DYRK1A: variants seen among roughly 807,000 people sequenced by gnomAD.
DYRK1A encodes the protein dual specificity tyrosine phosphorylation regulated kinase 1A, also known as dual specificity tyrosine-phosphorylation-regulated kinase 1A.
A neutral mutation model predicts 79.7 loss-of-function variants in DYRK1A; 9 were observed. That is an observed-to-expected ratio of 0.11 (90% CI 0.07 to 0.20). The LOEUF (loss-of-function observed/expected upper bound fraction) is 0.20, where lower values mean the gene tolerates loss of function less well. Among genes scored for constraint, DYRK1A ranks in the 10% least tolerant of loss-of-function variants. DYRK1A has a pLI of 1.00. For synonymous variants in DYRK1A, 349 were observed against 329.7 expected (o/e 1.06, Z -0.63); for missense variants, 622 against 956.0 (o/e 0.65, Z 4.61).
intron 8 of DYRK1A, among the ~76,000 whole-genome samples, chr21:37,494,236 A>G (rs2053189057): frequency 6.6e-6 from 1 of 151,362 alleles, no homozygotes; most frequent in African/African-American, 2.4e-5. Context: ...ACTCTTTTAT[A>G]GTAACTGTCA....
Position 37,515,097 on chromosome 21 carries a change from AC to A in DYRK1A, c.*2567del. 6.5e-6 allele frequency: 1 copy of A among 152,746 alleles called. No individual in the cohort carries two copies. The allele number at this position is 152,746 out of a possible 1,614,324, so 9.5% of individuals were successfully genotyped here. On this transcript the variant is annotated 3_prime_UTR_variant, in exon 12 of 12. Transcript: ENST00000647188. Reference sequence around the variant, plus strand: ...GTCCGGACTTGCTGTGTATATTGTAACGTTAAATGAAAAAAGAACCCCCCTT... The same window carrying A: ...GTCCGGACTTGCTGTGTATATTGTAAGTTAAATGAAAAAAGAACCCCCCTT...
chr21:37,420,427 A>T, intron 2 of DYRK1A, 43 bp downstream of exon 2: 1 of 1,603,706 alleles, frequency 6.2e-7, no homozygotes, highest in Non-Finnish European at 8.5e-7. Flanking sequence ...GGCTAAGAGA[A>T]TGTGGGAATC....
chr21:37,418,492 C>T (rs918727325), intron 1 of DYRK1A, among the ~76,000 whole-genome samples: 3 of 152,022 alleles, frequency 2.0e-5, no homozygotes, highest in East Asian at 3.9e-4. Flanking sequence ...CTACTTCTAT[C>T]GAAACTGGCG....
chr21:37,403,637 A>T (rs1431507851), intron 1 of DYRK1A, among the ~76,000 whole-genome samples: 1,415 of 46,744 alleles, frequency 0.03, 33 homozygotes, highest in African/African-American at 0.12. Context: ...AGCTAATTAA[A>T]AAAAAAAAAA....
Position 37,499,405 on chromosome 21 carries a change from T to C in DYRK1A, c.1212+3147T>C, listed in dbSNP as rs1356222283. On this transcript the variant is annotated intron_variant, in intron 9 of 11. Coordinates refer to ENST00000647188, the MANE Select transcript of DYRK1A (RefSeq NM_001347721.2). ...TACCCTGTTGATATGTTTTCTATTC[T>C]AGGTCCTTTCTTTTCACATATGGAT... Among the ~76,000 whole-genome samples, 4 of 152,210 alleles carry C rather than the reference T, an allele frequency of 2.6e-5. No individual in the cohort carries two copies. In the East Asian group the frequency reaches 5.8e-4, roughly 22 times the overall value.
chr21:37,394,226 C>CCT (rs2049920334), intron 1 of DYRK1A, among the ~76,000 whole-genome samples: 1 of 143,994 alleles, frequency 6.9e-6, no homozygotes, highest in Non-Finnish European at 1.5e-5. Context: ...TTTTTAAACC[C>CCT]TTTTTTTTTT....
intron 2 of DYRK1A, among the ~76,000 whole-genome samples, chr21:37,459,251 A>C (rs879467173): frequency 3.9e-5 from 6 of 152,190 alleles, no homozygotes; most frequent in Admixed American, 6.5e-5. Flanking sequence ...CCTCTGTTAT[A>C]ATCACTGTAG....
chr21:37,458,663 T>TAATGTAGGAC (rs1351347411), intron 2 of DYRK1A, among the ~76,000 whole-genome samples: 4 of 152,196 alleles, frequency 2.6e-5, no homozygotes, highest in Non-Finnish European at 5.9e-5. Flanking sequence ...GCCTAAGTCC[T>TAATGTAGGAC]AGCCTAATGT....
At chr21:37,373,794 A>G (rs1028467172) in intron 1 of DYRK1A, among the ~76,000 whole-genome samples, 11 of 152,242 alleles carry the variant, frequency 7.2e-5, no homozygotes, top group African/African-American at 1.4e-4. Context: ...GGTCTTTGAT[A>G]GGTGACTATT....
At chr21:37,487,639 A>G (rs1250634033) in intron 6 of DYRK1A, 1 of 152,280 alleles carries the variant, frequency 6.6e-6, no homozygotes. Context: ...ATCTTTTAAG[A>G]AAACGTTATG....
intron 1 of DYRK1A, among the ~76,000 whole-genome samples, chr21:37,380,367 A>G (rs1020899934): frequency 2.0e-5 from 3 of 152,034 alleles, no homozygotes; most frequent in African/African-American, 7.3e-5. Context: ...GTAAGATCCT[A>G]TAGGATCTCA....
At chr21:37,411,959 A>G (rs943714476) in intron 1 of DYRK1A, among the ~76,000 whole-genome samples, 7 of 152,182 alleles carry the variant, frequency 4.6e-5, no homozygotes, top group African/African-American at 9.7e-5. Flanking sequence ...CGCTGTGCCA[A>G]TCTGTTTATT....
At chr21:37,383,361 T>C (rs1038161539) in intron 1 of DYRK1A, among the ~76,000 whole-genome samples, 1 of 152,256 alleles carries the variant, frequency 6.6e-6, no homozygotes, top group Admixed American at 6.5e-5. Context: ...TTCTTAACTA[T>C]GTAGCTTTCC....
chr21:37,487,648 T>C (rs940089875), intron 6 of DYRK1A: 13 of 152,156 alleles, frequency 8.5e-5, no homozygotes, highest in Admixed American at 3.9e-4. Context: ...GAAAACGTTA[T>C]GATTCTTTGG....
intron 2 of DYRK1A, among the ~76,000 whole-genome samples, chr21:37,455,490 C>T (rs952399644): frequency 2.0e-5 from 3 of 152,108 alleles, no homozygotes; most frequent in African/African-American, 7.2e-5. Context: ...TTTTAAGTCA[C>T]CTCTTTTTTC....
Position 37,417,339 on chromosome 21 carries a change from C to T in DYRK1A, c.-76-2960C>T, listed in dbSNP as rs904146993. On this transcript the variant is annotated intron_variant, in intron 1 of 11. Transcript: ENST00000647188. ...CTGAGTAGCTGGGATTACAGGGATG[C>T]GCCACCACGCCCAGCTAATTTTTTT... 5.3e-5 allele frequency among the ~76,000 whole-genome samples: 8 copies of T among 151,660 alleles called. 1 individual carries two copies. Among genetic ancestry groups the T allele is most frequent in the South Asian group, 4.2e-4 (2 of 4,782 alleles).
chr21:37,408,006 A>C (rs910814857), intron 1 of DYRK1A, among the ~76,000 whole-genome samples: 10 of 80,892 alleles, frequency 1.2e-4, no homozygotes, highest in Admixed American at 3.3e-4. Context: ...TGAATGCTTC[A>C]AAAAAAAAAA....
intron 6 of DYRK1A, among the ~76,000 whole-genome samples, chr21:37,489,439 A>G (rs184555350): frequency 6.8e-4 from 103 of 152,246 alleles, no homozygotes; most frequent in Non-Finnish European, 1.3e-3. Context: ...ATAGCGACCT[A>G]TGTATTCTAT....
At chr21:37,465,405 T>C (rs2051992636) in intron 2 of DYRK1A, among the ~76,000 whole-genome samples, 1 of 152,234 alleles carries the variant, frequency 6.6e-6, no homozygotes, top group East Asian at 1.9e-4. Flanking sequence ...AAAAAAACCC[T>C]CTAGTGTATT....
Sources: allele counts gnomAD v4.1 joint callset (sites outside exome capture counted in the v4.1 genomes callset), GRCh38; gene constraint gnomAD v4.1.1; transcripts MANE v1.5; gene names NCBI Gene and HGNC (gene_info 2026-07-23, HGNC 2026-07-21).